AGBL4: variants seen among roughly 807,000 people sequenced by gnomAD.
The protein encoded by AGBL4 is cytosolic carboxypeptidase 6.
In AGBL4, 58 loss-of-function variants were observed where a neutral mutation model predicts 66.4. The ratio of observed to expected loss-of-function variants is 0.87; its 90% CI spans 0.71 to 1.09. AGBL4 has a LOEUF of 1.09. AGBL4 is among the 50% of genes least tolerant of loss of function. AGBL4 has a pLI of 0.00. For missense variants in AGBL4, 579 were observed against 631.0 expected (o/e 0.92, Z 0.88); for synonymous variants, 234 against 222.9 (o/e 1.05, Z -0.44).
At chr1:48,818,689 A>T (rs1379565186) in intron 6 of AGBL4, among the ~76,000 whole-genome samples, 1 of 152,204 alleles carries the variant, frequency 6.6e-6, no homozygotes, top group Admixed American at 6.5e-5. Flanking sequence ...AACATGGAAA[A>T]TTCTAATACT....
chr1:49,998,893 T>C (rs1282108798), intron 1 of AGBL4, among the ~76,000 whole-genome samples: 1 of 151,992 alleles, frequency 6.6e-6, no homozygotes, highest in African/African-American at 2.4e-5. Context: ...TCGCTTTATG[T>C]TTAAAACCCT....
At chr1:49,373,485 A>G (rs1317734583) in intron 3 of AGBL4, among the ~76,000 whole-genome samples, 1 of 152,202 alleles carries the variant, frequency 6.6e-6, no homozygotes, top group African/African-American at 2.4e-5. Flanking sequence ...ATAGGCCATA[A>G]TATTGGAACT....
intron 6 of AGBL4, among the ~76,000 whole-genome samples, chr1:48,854,181 G>A (rs147430486): frequency 6.6e-6 from 1 of 152,326 alleles, no homozygotes; most frequent in African/African-American, 2.4e-5. Context: ...AGGGAGCTAA[G>A]AAGTGGCAGA....
intron 4 of AGBL4, among the ~76,000 whole-genome samples, chr1:49,166,352 A>T (rs189533078): frequency 6.6e-6 from 1 of 152,242 alleles, no homozygotes; most frequent in East Asian, 1.9e-4. Context: ...TGTCATGTTA[A>T]TGTTTTGTAG....
chr1:49,122,113 G>C (rs1438654522), intron 4 of AGBL4, among the ~76,000 whole-genome samples: 1 of 152,210 alleles, frequency 6.6e-6, no homozygotes. Context: ...GGTACACACT[G>C]TCACAGCTTC....
intron 2 of AGBL4, among the ~76,000 whole-genome samples, chr1:49,758,215 C>A (rs997979360): frequency 2.6e-5 from 4 of 152,180 alleles, no homozygotes; most frequent in African/African-American, 4.8e-5. Flanking sequence ...GGAACCTCTT[C>A]CTAGGTTTCA....
chr1:49,845,888 C>A, intron 2 of AGBL4: 1 of 1,415,846 alleles, frequency 7.1e-7, no homozygotes, highest in Non-Finnish European at 1.0e-6. Flanking sequence ...CCTCACACAC[C>A]AGCAAATCCA....
chr1:49,500,563 A>G (rs2148762554), intron 3 of AGBL4, among the ~76,000 whole-genome samples: 1 of 152,120 alleles, frequency 6.6e-6, no homozygotes, highest in South Asian at 2.1e-4. Flanking sequence ...GTATAAGGTG[A>G]GAGACGAGGA....
intron 5 of AGBL4, among the ~76,000 whole-genome samples, chr1:48,948,018 C>A (rs1241206606): frequency 6.6e-6 from 1 of 151,824 alleles, no homozygotes; most frequent in African/African-American, 2.4e-5. Context: ...TAGAAACATA[C>A]GTAGGTGAAA....
intron 5 of AGBL4, among the ~76,000 whole-genome samples, chr1:48,891,538 G>A (rs962949962): frequency 1.4e-4 from 22 of 152,176 alleles, no homozygotes; most frequent in Non-Finnish European, 2.9e-4. Context: ...AGTTTAAAAC[G>A]CTTGTTGCTA....
At chr1:48,684,770 C>T (rs1290510175) in intron 6 of AGBL4, among the ~76,000 whole-genome samples, 1 of 152,080 alleles carries the variant, frequency 6.6e-6, no homozygotes, top group East Asian at 1.9e-4. Context: ...GATCCTTATC[C>T]ATTAAAAATA....
At chr1:49,015,075 G>A (rs932349867) in intron 5 of AGBL4, among the ~76,000 whole-genome samples, 2 of 152,114 alleles carry the variant, frequency 1.3e-5, no homozygotes, top group Non-Finnish European at 2.9e-5. Flanking sequence ...AATCTACTGC[G>A]TAGGACTATT....
At chr1:49,590,240 T>C (rs1342881239) in intron 3 of AGBL4, among the ~76,000 whole-genome samples, 3 of 152,018 alleles carry the variant, frequency 2.0e-5, no homozygotes, top group Non-Finnish European at 2.9e-5. Context: ...ACATCAGACT[T>C]GGCACATTAA....
intron 6 of AGBL4, among the ~76,000 whole-genome samples, chr1:48,665,170 A>G (rs897818806): frequency 2.6e-5 from 4 of 152,222 alleles, no homozygotes; most frequent in Non-Finnish European, 5.9e-5. Context: ...TGGAACCAAA[A>G]TATAGTCTTG....
rs180732477 is a variant in AGBL4, at chr1:49,717,737, G to A, written c.158-20300C>T. Among the ~76,000 whole-genome samples the A allele has an allele frequency of 1.8e-4, 28 of 151,938 alleles. No homozygotes were observed. The East Asian group carries it at 5.0e-3, about 27-fold the overall frequency. Reference sequence around the variant, plus strand: ...TCTTGTTTTGTTTATTGTTATATCGGCAGCACCTGTAGTAGTGTCTGGCCT... The same window carrying A: ...TCTTGTTTTGTTTATTGTTATATCGACAGCACCTGTAGTAGTGTCTGGCCT... On this transcript the variant is annotated intron_variant, in intron 2 of 13. Coordinates refer to ENST00000371839, the MANE Select transcript of AGBL4 (RefSeq NM_032785.4).
At chr1:48,647,045 AC>A (rs1336360369) in intron 8 of AGBL4, among the ~76,000 whole-genome samples, 35 of 152,172 alleles carry the variant, frequency 2.3e-4, no homozygotes, top group Non-Finnish European at 4.1e-4. Flanking sequence ...AGGGCCTGAC[AC>A]CCAGCAGGAC....
At chr1:49,130,799 T>A (rs986505173) in intron 4 of AGBL4, among the ~76,000 whole-genome samples, 15 of 151,408 alleles carry the variant, frequency 9.9e-5, no homozygotes, top group African/African-American at 1.7e-4. Flanking sequence ...CGATGTGGGC[T>A]CTTTTTTGGT....
intron 5 of AGBL4, among the ~76,000 whole-genome samples, chr1:48,892,827 C>T (rs4926772): frequency 1.3e-5 from 2 of 151,984 alleles, no homozygotes; most frequent in African/African-American, 4.8e-5. Flanking sequence ...ACCATTCCCC[C>T]CCTTTTCTTT....
At chr1:49,326,553 G>A (rs1011363816) in intron 3 of AGBL4, among the ~76,000 whole-genome samples, 1 of 152,054 alleles carries the variant, frequency 6.6e-6, no homozygotes, top group Admixed American at 6.6e-5. Flanking sequence ...GGAGAAGATA[G>A]GGAAATATTT....
Sources: gnomAD v4.1 joint callset for allele counts (sites outside exome capture counted in the v4.1 genomes callset) on GRCh38, gnomAD v4.1.1 for gene constraint, MANE v1.5 for transcripts, NCBI Gene and HGNC (gene_info 2026-07-23, HGNC 2026-07-21) for gene names.